The following CC2D2A variants were observed in gnomAD, a reference collection of about 807,000 sequenced individuals.
CC2D2A encodes the protein coiled-coil and C2 domain-containing protein 2A.
A neutral mutation model predicts 212.9 loss-of-function variants in CC2D2A; 155 were observed. The ratio of observed to expected loss-of-function variants is 0.73; its 90% CI spans 0.64 to 0.83. The LOEUF (loss-of-function observed/expected upper bound fraction) is 0.83. Ranked by LOEUF, CC2D2A falls within the 40% of genes least tolerant of loss-of-function variation. CC2D2A has a pLI of 0.00. For missense variants in CC2D2A, 1,856 were observed against 1,956.2 expected, an observed-to-expected ratio of 0.95 and a Z score of 0.97; for synonymous variants, 667 against 686.5, an observed-to-expected ratio of 0.97 and a Z score of 0.44.
At chr4:15,526,770 A>G (rs527717458) in intron 11 of CC2D2A, among the ~76,000 whole-genome samples, 1 of 152,342 alleles carries the variant, frequency 6.6e-6, no homozygotes, top group East Asian at 1.9e-4. Flanking sequence ...TAATCAAAGT[A>G]AATATCTTGA....
chr4:15,527,724 A>G, intron 12 of CC2D2A, 68 bp downstream of exon 12: 1 of 1,207,944 alleles, frequency 8.3e-7, no homozygotes, highest in Non-Finnish European at 1.2e-6. Flanking sequence ...AAACAATGAA[A>G]ATTTCTAACA....
Position 15,540,914 on chromosome 4 carries a change from C to A in CC2D2A, c.2081C>A (p.Ser694Tyr). ...LKVLFNNKEVSRTVSRPLGAD... is the reference protein window; with the variant it reads ...LKVLFNNKEVYRTVSRPLGAD... Reference sequence around the variant, plus strand: ...GTGCTGTTCAACAACAAGGAGGTGTCCAGGACAGTCAGTCGGCCACTAGGA... The same window carrying A: ...GTGCTGTTCAACAACAAGGAGGTGTACAGGACAGTCAGTCGGCCACTAGGA... Residue 694 changes from serine to tyrosine, a missense_variant, in exon 17 of 37, where the codon TCC (serine) becomes TAC (tyrosine). Around this residue, in one of 5 missense-constraint regions of CC2D2A, gnomAD observed 1,512 missense variants for 1,579.3 expected, o/e 0.96. Transcript: ENST00000424120. 1 of 1,584,038 alleles carries A rather than the reference C, an allele frequency of 6.3e-7. No individual in the cohort carries two copies. Among genetic ancestry groups the A allele is most frequent in the Non-Finnish European group, 8.6e-7 (1 of 1,164,762 alleles).
In CC2D2A at chr4:15,550,800, C is replaced by T. The variant is rs2041673; in HGVS notation, c.2182-24C>T. ...CACACACTACTGCTGTTTTTATTGG[C>T]TATTTCTCTTCTCTGGTTTTCAGGT... is the stretch of plus-strand genomic sequence containing the variant. On this transcript the variant is annotated intron_variant, in intron 17 of 36. Transcript: ENST00000424120. 212,577 of 1,521,954 alleles carry T rather than the reference C, an allele frequency of 0.14. 15,768 individuals are homozygous for T. Among genetic ancestry groups the T allele is most frequent in the Non-Finnish European group, 0.15 (165,195 of 1,117,136 alleles). The allele number at this position is 1,521,954 out of a possible 1,614,324, so 94.3% of individuals were successfully genotyped here. A position where few individuals can be genotyped will look rare whatever the true frequency, so the allele number is the denominator to read the frequency against.
At chr4:15,511,661 A>G in intron 8 of CC2D2A, 1 of 297,554 alleles carries the variant, frequency 3.4e-6, no homozygotes, top group Non-Finnish European at 6.1e-6. Flanking sequence ...TTTTGTGGAA[A>G]AAAGAATTAA....
At chr4:15,570,183 C>T (rs372329027) in intron 27 of CC2D2A, among the ~76,000 whole-genome samples, 12 of 152,308 alleles carry the variant, frequency 7.9e-5, no homozygotes, top group Middle Eastern at 3.4e-3. Flanking sequence ...ATTGTTAAAT[C>T]TCTAGTTTAT....
chr4:15,568,702 A>G (rs1577383759), intron 26 of CC2D2A, among the ~76,000 whole-genome samples: 1 of 152,182 alleles, frequency 6.6e-6, no homozygotes, highest in Non-Finnish European at 1.5e-5. Flanking sequence ...TCAACAAAAT[A>G]CACCTATTAC....
intron 4 of CC2D2A, among the ~76,000 whole-genome samples, chr4:15,500,882 G>A (rs564962200): frequency 6.6e-6 from 1 of 152,170 alleles, no homozygotes; most frequent in Admixed American, 6.5e-5. Context: ...AGGCTTCAGC[G>A]CTCACCATGG....
chr4:15,544,430 A>G (rs1425421426), intron 17 of CC2D2A, among the ~76,000 whole-genome samples: 2 of 152,200 alleles, frequency 1.3e-5, no homozygotes, highest in African/African-American at 4.8e-5. Flanking sequence ...GACCAAGATT[A>G]ACATGAGAAG....
In CC2D2A at chr4:15,567,372, C is replaced by G. The variant is rs763724257; in HGVS notation, c.3183-5C>G. ...TTAATTTCCTTCATACATTTTCTCT[C>G]CTAGCAAATTCCAGCAGCCGTCGAG... On this transcript the variant is annotated splice_region_variant and splice_polypyrimidine_tract_variant and intron_variant, in intron 24 of 36. Transcript: ENST00000424120. 1 of 1,606,980 alleles carries G rather than the reference C, an allele frequency of 6.2e-7. No individual in the cohort carries two copies. The highest frequency in any genetic ancestry group is 8.5e-7 in the Non-Finnish European group (1 of 1,174,616).
rs397992357 is a variant in CC2D2A, at chr4:15,516,944, C to CTTTT, written c.1149+208_1149+211dup. Among the ~76,000 whole-genome samples, 332 of 95,800 alleles carry CTTTT rather than the reference C, an allele frequency of 3.5e-3. 1 individual carries two copies. The highest frequency in any genetic ancestry group is 6.1e-3 in the African/African-American group (149 of 24,572). 62.8% of individuals were successfully genotyped at this position (95,800 alleles called of 152,430 possible). On this transcript the variant is annotated intron_variant, in intron 11 of 36. Transcript: ENST00000424120. ...TCTAATTATACTCAATGCATCCCTT[C>CTTTT]TTTTTTTTTTTTTTTTTTTTTTTGA...
At chr4:15,594,700 C>G (rs183072237) in intron 33 of CC2D2A, among the ~76,000 whole-genome samples, 284 of 152,156 alleles carry the variant, frequency 1.9e-3, no homozygotes, top group Non-Finnish European at 2.9e-3. Context: ...CAAAGTAACA[C>G]GAGAAAGGGT....
At chr4:15,553,874 C>G (rs1172833348) in intron 19 of CC2D2A, among the ~76,000 whole-genome samples, 1 of 152,202 alleles carries the variant, frequency 6.6e-6, no homozygotes, top group African/African-American at 2.4e-5. Context: ...GAGCCTCTCT[C>G]TGTCATTCCC....
rs544258183 is a variant in CC2D2A, at chr4:15,541,267, T to A, written c.2181+253T>A. Among the ~76,000 whole-genome samples, 3 of 152,072 alleles carry A rather than the reference T, an allele frequency of 2.0e-5. No homozygotes were observed. In the South Asian group the frequency reaches 6.2e-4, roughly 32 times the overall value. On this transcript the variant is annotated intron_variant, in intron 17 of 36. Transcript: ENST00000424120. ...CCAGGAGGTGGAGGTTGCATTGAGC[T>A]GAGATCATGCCACTGTACTCCAGCC... is the stretch of plus-strand genomic sequence containing the variant.
At chr4:15,581,532 G>A (rs182905788) in intron 30 of CC2D2A, among the ~76,000 whole-genome samples, 66 of 152,316 alleles carry the variant, frequency 4.3e-4, no homozygotes, top group African/African-American at 1.5e-3. Context: ...TAATGCATGG[G>A]GCTACAGCAG....
At chr4:15,513,224 C>T (rs73235029) in intron 8 of CC2D2A, among the ~76,000 whole-genome samples, 8,539 of 152,266 alleles carry the variant, frequency 0.056, 556 homozygotes, top group East Asian at 0.25. Context: ...GTCCTCCTGA[C>T]ATGACAGCTA....
At chr4:15,541,502 A>G (rs1317873315) in intron 17 of CC2D2A, among the ~76,000 whole-genome samples, 1 of 151,884 alleles carries the variant, frequency 6.6e-6, no homozygotes, top group Non-Finnish European at 1.5e-5. Context: ...CTGTTCCCCA[A>G]CTCACCTACT....
At chr4:15,584,728 G>A (rs1213934067) in intron 30 of CC2D2A, among the ~76,000 whole-genome samples, 2 of 152,144 alleles carry the variant, frequency 1.3e-5, no homozygotes, top group Admixed American at 1.3e-4. Flanking sequence ...CAGAATAGGA[G>A]ATAGTATTTG....
chr4:15,501,265 A>G (rs1011544487), intron 4 of CC2D2A, among the ~76,000 whole-genome samples: 1 of 151,946 alleles, frequency 6.6e-6, no homozygotes, highest in African/African-American at 2.4e-5. Flanking sequence ...AATTGCCACT[A>G]GGCTCTATTG....
At chr4:15,524,489 T>C (rs1272098276) in intron 11 of CC2D2A, among the ~76,000 whole-genome samples, 11 of 140,196 alleles carry the variant, frequency 7.8e-5, no homozygotes, top group Admixed American at 5.6e-4. Flanking sequence ...CTCACTCTGC[T>C]GCCCAGGCTG....
Sources: gnomAD v4.1 joint callset for allele counts (sites outside exome capture counted in the v4.1 genomes callset) on GRCh38, gnomAD v4.1.1 for gene constraint, gnomAD v4.1.1 regional missense constraint, MANE v1.5 for transcripts, NCBI Gene and HGNC (gene_info 2026-07-23, HGNC 2026-07-21) for gene names.